Variants in WDR7 observed in about 807,000 individuals in gnomAD.
WDR7 encodes the protein WD repeat domain 7.
WDR7 carries 46 observed loss-of-function variants against 169.4 expected under a neutral mutation model. That is an observed-to-expected ratio of 0.27 (90% confidence interval 0.21 to 0.35). WDR7 has a LOEUF of 0.35. WDR7 is among the 10% of genes least tolerant of loss of function. The pLI is 1.00. For missense variants in WDR7, 1,534 were observed against 1,859.3 expected (o/e 0.83, Z 3.22); for synonymous variants, 612 against 666.8 (o/e 0.92, Z 1.27).
intron 21 of WDR7, among the ~76,000 whole-genome samples, chr18:56,880,789 T>C (rs2046095142): frequency 6.6e-6 from 1 of 152,226 alleles, no homozygotes; most frequent in Admixed American, 6.5e-5. Flanking sequence ...AAGGGCTGTG[T>C]CATTCTACTC....
At chr18:56,753,571 C>T (rs1203770020) in intron 14 of WDR7, among the ~76,000 whole-genome samples, 2 of 151,912 alleles carry the variant, frequency 1.3e-5, no homozygotes, top group Non-Finnish European at 2.9e-5. Flanking sequence ...ACTTCCTTGG[C>T]AGAATTAGTC....
At chr18:56,848,104 A>T (rs1380816318) in intron 20 of WDR7, among the ~76,000 whole-genome samples, 1 of 152,242 alleles carries the variant, frequency 6.6e-6, no homozygotes, top group Non-Finnish European at 1.5e-5. Context: ...CTGCGAGAGT[A>T]GCCACAGAGG....
intron 27 of WDR7, among the ~76,000 whole-genome samples, chr18:57,026,191 C>T (rs905791676): frequency 1.3e-5 from 2 of 152,176 alleles, no homozygotes; most frequent in Non-Finnish European, 2.9e-5. Context: ...GTACTTCAAC[C>T]TGAATGCATA....
intron 7 of WDR7, among the ~76,000 whole-genome samples, chr18:56,687,399 A>G (rs2025464802): frequency 6.6e-6 from 1 of 152,214 alleles, no homozygotes; most frequent in East Asian, 1.9e-4. Flanking sequence ...GAGGTATATT[A>G]CTTCCACATT....
intron 5 of WDR7, among the ~76,000 whole-genome samples, chr18:56,683,221 T>C (rs2025383580): frequency 1.3e-5 from 2 of 152,228 alleles, no homozygotes; most frequent in South Asian, 4.2e-4. Flanking sequence ...TTAAGAGGCA[T>C]AGGGAATGTT....
chr18:57,014,189 C>G (rs1282704439), intron 26 of WDR7, among the ~76,000 whole-genome samples: 2 of 151,338 alleles, frequency 1.3e-5, no homozygotes, highest in Non-Finnish European at 2.9e-5. Context: ...AGCTGGGCGT[C>G]ATGGCATGCA....
intron 21 of WDR7, among the ~76,000 whole-genome samples, chr18:56,906,691 G>A (rs4517870): frequency 1.9e-3 from 296 of 152,044 alleles, no homozygotes; most frequent in African/African-American, 6.8e-3. Context: ...TTACAGACAT[G>A]TGCCACCACA....
Position 56,974,633 on chromosome 18 carries a change from A to G in WDR7, c.4164+12104A>G, listed in dbSNP as rs899586789. Among the ~76,000 whole-genome samples, 7 of 152,344 alleles carry G rather than the reference A, an allele frequency of 4.6e-5. No individual in the cohort carries two copies. In the East Asian group the frequency reaches 1.4e-3, roughly 29 times the overall value. On this transcript the variant is annotated intron_variant, in intron 26 of 27. Transcript: ENST00000254442. ...GGGCATTGCTCATGTGCTAGGCACC[A>G]GTTAGGATATGTGACAGAGGGAATA... is the stretch of plus-strand genomic sequence containing the variant.
intron 26 of WDR7, among the ~76,000 whole-genome samples, chr18:56,994,094 A>T (rs1448644297): frequency 2.8e-5 from 4 of 144,388 alleles, no homozygotes; most frequent in Non-Finnish European, 6.0e-5. Flanking sequence ...ATCTTGGCTC[A>T]TTGCAGCCTC....
intron 19 of WDR7, among the ~76,000 whole-genome samples, chr18:56,786,345 A>G (rs968568477): frequency 1.3e-5 from 2 of 152,142 alleles, no homozygotes; most frequent in African/African-American, 4.8e-5. Context: ...AGCCTGGGCA[A>G]CAGGGTGAAA....
intron 14 of WDR7, among the ~76,000 whole-genome samples, chr18:56,738,798 C>CTTTTT (rs10547813): frequency 1.7e-5 from 1 of 58,788 alleles, no homozygotes; most frequent in Non-Finnish European, 3.1e-5. Context: ...GCATAAAATC[C>CTTTTT]TTTTTTTTTT....
At chr18:56,686,528 G>A (rs2025447679) in intron 6 of WDR7, among the ~76,000 whole-genome samples, 1 of 151,950 alleles carries the variant, frequency 6.6e-6, no homozygotes, top group South Asian at 2.1e-4. Context: ...AGAAGATAGA[G>A]GAATTAATTG....
intron 25 of WDR7, among the ~76,000 whole-genome samples, chr18:56,953,214 A>G (rs2047206319): frequency 6.6e-6 from 1 of 152,202 alleles, no homozygotes; most frequent in African/African-American, 2.4e-5. Flanking sequence ...AATAAACCGT[A>G]TTTTTAAAAA....
chr18:56,758,260 G>C (rs1369595462), intron 15 of WDR7, among the ~76,000 whole-genome samples: 1 of 152,116 alleles, frequency 6.6e-6, no homozygotes, highest in Non-Finnish European at 1.5e-5. Flanking sequence ...CACTTACTTT[G>C]TGTCAGTCTC....
chr18:56,839,005 C>T (rs931671548), intron 20 of WDR7, among the ~76,000 whole-genome samples: 1 of 152,094 alleles, frequency 6.6e-6, no homozygotes, highest in Non-Finnish European at 1.5e-5. Flanking sequence ...CATTTATTCA[C>T]ATAAAAACCT....
chr18:56,786,661 CGTGA>C (rs1413510795), intron 19 of WDR7, among the ~76,000 whole-genome samples: 2 of 151,924 alleles, frequency 1.3e-5, no homozygotes, highest in East Asian at 1.9e-4. Flanking sequence ...TTAAAAATAT[CGTGA>C]GTATGTAAAC....
At chr18:56,823,979 T>G (rs1013154734) in intron 20 of WDR7, among the ~76,000 whole-genome samples, 1 of 152,190 alleles carries the variant, frequency 6.6e-6, no homozygotes, top group Non-Finnish European at 1.5e-5. Flanking sequence ...TTCATCACCC[T>G]TCACCCTCAT....
intron 26 of WDR7, among the ~76,000 whole-genome samples, chr18:56,969,572 G>A (rs562821737): frequency 3.9e-5 from 6 of 152,272 alleles, no homozygotes; most frequent in South Asian, 2.1e-4. Context: ...ATGTCTCACC[G>A]AGTAAATACA....
At chr18:56,790,655 G>A (rs1354121071) in intron 19 of WDR7, among the ~76,000 whole-genome samples, 2 of 151,396 alleles carry the variant, frequency 1.3e-5, no homozygotes, top group East Asian at 3.9e-4. Flanking sequence ...TTTTTTGTGG[G>A]GGAAGTATGG....
Sources: gnomAD v4.1 joint callset for allele counts (sites outside exome capture counted in the v4.1 genomes callset) on GRCh38, gnomAD v4.1.1 for gene constraint, MANE v1.5 for transcripts, NCBI Gene and HGNC (gene_info 2026-07-23, HGNC 2026-07-21) for gene names.